Variants in BMP6 observed in about 807,000 individuals in gnomAD.
BMP6 encodes bone morphogenetic protein 6.
Under a neutral mutation model 54.1 loss-of-function variants are expected in BMP6, and 17 were observed. That is an observed-to-expected ratio of 0.31 (90% CI 0.22 to 0.47). The LOEUF (loss-of-function observed/expected upper bound fraction) is 0.47, where lower values mean the gene tolerates loss of function less well. Ranked by LOEUF, BMP6 falls within the 20% of genes least tolerant of loss-of-function variation. The probability of loss-of-function intolerance (pLI) is 1.00; values close to 1 mark genes in which losing one functional copy is unlikely to be tolerated. For missense variants in BMP6, 720 were observed against 690.4 expected (o/e 1.04, Z -0.48); for synonymous variants, 328 against 291.2 (o/e 1.13, Z -1.28).
intron 1 of BMP6, among the ~76,000 whole-genome samples, chr6:7,728,295 A>G (rs537155318): frequency 3.3e-5 from 5 of 152,314 alleles, no homozygotes; most frequent in African/African-American, 4.8e-5. Context: ...CCCGGCTCAC[A>G]TGCCCTTGGC....
At chr6:7,809,353 T>C (rs1190206388) in intron 1 of BMP6, among the ~76,000 whole-genome samples, 1 of 152,196 alleles carries the variant, frequency 6.6e-6, no homozygotes, top group Non-Finnish European at 1.5e-5. Context: ...AAACCTTATT[T>C]ATATTTGTGT....
chr6:7,879,460 T>G (rs558018895), intron 5 of BMP6, among the ~76,000 whole-genome samples: 81 of 152,342 alleles, frequency 5.3e-4, no homozygotes, highest in African/African-American at 1.9e-3. Flanking sequence ...TACATTTATT[T>G]GGGCATTTAA....
At chr6:7,827,234 G>A (rs999238880) in intron 1 of BMP6, among the ~76,000 whole-genome samples, 4 of 152,224 alleles carry the variant, frequency 2.6e-5, no homozygotes, top group African/African-American at 9.6e-5. Context: ...GTCGCCCCCT[G>A]TGCGGACCTG....
At chr6:7,774,277 T>C (rs1282683837) in intron 1 of BMP6, among the ~76,000 whole-genome samples, 1 of 152,148 alleles carries the variant, frequency 6.6e-6, no homozygotes, top group Non-Finnish European at 1.5e-5. Context: ...AGGCTGGCTG[T>C]GGTGGCTCAC....
intron 1 of BMP6, among the ~76,000 whole-genome samples, chr6:7,756,766 G>A (rs1053275384): frequency 2.0e-5 from 3 of 152,088 alleles, no homozygotes; most frequent in Non-Finnish European, 4.4e-5. Flanking sequence ...TTTATTTTAG[G>A]ATTAATTTAT....
chr6:7,861,440 C>A lies in BMP6; in HGVS notation c.858-11C>A, dbSNP rs767152158. 5 of 1,611,254 alleles carry A rather than the reference C, an allele frequency of 3.1e-6. No homozygotes were observed. Among genetic ancestry groups the A allele is most frequent in the Non-Finnish European group, 3.4e-6 (4 of 1,179,084 alleles). On this transcript the variant is annotated splice_polypyrimidine_tract_variant and intron_variant, in intron 2 of 6. Transcript: ENST00000283147. ...TGCGCTATTTACCAGGCCATTTTTT[C>A]TTTCTTTCAGAGACTCTGACCTGTT...
rs536753506 is a variant in BMP6 at position 7,785,210 on chromosome 6, A to C, written c.664+57591A>C. The stretch of plus-strand genomic sequence containing the variant: ...GTCTTCTACCCACTAGTGTCATAAG[A>C]AGCAAAGAAGATAGCGGGTCTACTA... On this transcript the variant is annotated intron_variant, in intron 1 of 6. Coordinates refer to ENST00000283147, the MANE Select transcript of BMP6 (RefSeq NM_001718.6). Among the ~76,000 whole-genome samples the C allele has an allele frequency of 4.6e-5, 7 of 152,340 alleles. No homozygotes were observed. The South Asian group carries it at 1.4e-3, about 32-fold the overall frequency.
chr6:7,862,950 G>C (rs1277530940), intron 4 of BMP6, among the ~76,000 whole-genome samples: 1 of 152,124 alleles, frequency 6.6e-6, no homozygotes, highest in Non-Finnish European at 1.5e-5. Context: ...AGCCCTCTAG[G>C]ATGGATTTCT....
intron 2 of BMP6, among the ~76,000 whole-genome samples, chr6:7,855,946 G>A (rs529455280): frequency 5.9e-5 from 9 of 151,950 alleles, no homozygotes; most frequent in East Asian, 1.9e-4. Context: ...TAGAACAGTC[G>A]CATAGTAAAC....
At chr6:7,877,826 C>A (rs572877702) in intron 4 of BMP6, among the ~76,000 whole-genome samples, 1 of 152,302 alleles carries the variant, frequency 6.6e-6, no homozygotes, top group East Asian at 1.9e-4. Context: ...CATTAGATGA[C>A]CTTTCTCTAA....
intron 1 of BMP6, among the ~76,000 whole-genome samples, chr6:7,745,062 G>A (rs1336235467): frequency 6.6e-6 from 1 of 152,170 alleles, no homozygotes; most frequent in Non-Finnish European, 1.5e-5. Context: ...CTGTGGGAGG[G>A]TCAGTCCAAT....
chr6:7,740,847 A>T (rs1329793645), intron 1 of BMP6, among the ~76,000 whole-genome samples: 5 of 152,158 alleles, frequency 3.3e-5, no homozygotes, highest in Admixed American at 6.5e-5. Flanking sequence ...AGTTCCCTGC[A>T]GAAGGTCTTT....
chr6:7,792,561 C>A (rs1372173190), intron 1 of BMP6, among the ~76,000 whole-genome samples: 2 of 152,192 alleles, frequency 1.3e-5, no homozygotes, highest in Non-Finnish European at 2.9e-5. Flanking sequence ...ATACCCGACT[C>A]AAACAGATAC....
At chr6:7,834,100 G>C (rs929176500) in intron 1 of BMP6, among the ~76,000 whole-genome samples, 6 of 151,522 alleles carry the variant, frequency 4.0e-5, no homozygotes, top group Non-Finnish European at 5.9e-5. Flanking sequence ...GTGGGGAGCT[G>C]TCCCTGAGGT....
chr6:7,874,373 A>G (rs573175546), intron 4 of BMP6, among the ~76,000 whole-genome samples: 4 of 152,254 alleles, frequency 2.6e-5, no homozygotes, highest in African/African-American at 7.2e-5. Context: ...GGGCCTTCAC[A>G]TTGTCATTCC....
At chr6:7,818,995 AG>A (rs988186265) in intron 1 of BMP6, among the ~76,000 whole-genome samples, 39 of 152,204 alleles carry the variant, frequency 2.6e-4, no homozygotes, top group African/African-American at 9.2e-4. Flanking sequence ...ATGAGTAATT[AG>A]AAGGAGAAAC....
chr6:7,753,644 G>C (rs1212031026), intron 1 of BMP6, among the ~76,000 whole-genome samples: 1 of 152,196 alleles, frequency 6.6e-6, no homozygotes, highest in Non-Finnish European at 1.5e-5. Flanking sequence ...CAATGGCAGT[G>C]AGACTTTGCC....
chr6:7,752,367 G>T (rs1428037529), intron 1 of BMP6, among the ~76,000 whole-genome samples: 2 of 152,220 alleles, frequency 1.3e-5, no homozygotes. Context: ...TTAATTCCAG[G>T]TGGGTTCCCT....
Position 7,816,740 on chromosome 6 carries a change from G to GT in BMP6, c.665-28394dup, listed in dbSNP as rs143730614. Among the ~76,000 whole-genome samples, 1,244 of 152,106 alleles carry GT rather than the reference G, an allele frequency of 8.2e-3. 23 individuals carry two copies. Among genetic ancestry groups the GT allele is most frequent in the African/African-American group, 0.029 (1,202 of 41,488 alleles). On this transcript the variant is annotated intron_variant, in intron 1 of 6. Transcript: ENST00000283147. ...AGTATACTTTGTTTTGGTAGTGATT[G>GT]TTTTTTCTTCTATTTTTTAACCCTT...
Sources: gnomAD v4.1 joint callset for allele counts (sites outside exome capture counted in the v4.1 genomes callset) on GRCh38, gnomAD v4.1.1 for gene constraint, MANE v1.5 for transcripts, NCBI Gene and HGNC (gene_info 2026-07-23, HGNC 2026-07-21) for gene names.